NSUN6: variants seen among roughly 807,000 people sequenced by gnomAD.
NSUN6 encodes the protein NOP2/Sun RNA methyltransferase 6.
Under a neutral mutation model 58.0 loss-of-function variants are expected in NSUN6, and 64 were observed. That is an observed-to-expected ratio of 1.10 (90% CI 0.90 to 1.36). The LOEUF is 1.36. Among genes scored for constraint, NSUN6 ranks in the 40% most tolerant of loss-of-function variants. The pLI is 0.00. For missense variants in NSUN6, 701 were observed against 550.1 expected (o/e 1.27, Z -2.74); for synonymous variants, 231 against 193.9 (o/e 1.19, Z -1.59).
intron 8 of NSUN6, among the ~76,000 whole-genome samples, chr10:18,567,432 T>C (rs764439082): frequency 1.9e-4 from 29 of 150,206 alleles, no homozygotes; most frequent in Non-Finnish European, 3.7e-4. Flanking sequence ...TTTCATTCCA[T>C]GCTCCATTCC....
rs190980065 is a variant in NSUN6 at position 18,627,727 on chromosome 10, G to A, written c.312-11434C>T. Among the ~76,000 whole-genome samples, 125 of 152,368 alleles carry A rather than the reference G, an allele frequency of 8.2e-4. 2 individuals carry two copies. Among genetic ancestry groups the A allele is most frequent in the African/African-American group, 2.8e-3 (117 of 41,588 alleles). On this transcript the variant is annotated intron_variant, in intron 3 of 10. Transcript: ENST00000377304. ...ATTGGCTTAAAAACCGGAGCACCAG[G>A]AGACTATATCCCGCGGCTCGGAGGG...
intron 3 of NSUN6, among the ~76,000 whole-genome samples, chr10:18,625,720 T>TAAA (rs71402188): frequency 2.2e-4 from 12 of 53,794 alleles, no homozygotes; most frequent in East Asian, 9.6e-4. Context: ...GTTTTTTTTT[T>TAAA]AAAAAAAAAA....
At chr10:18,586,266 C>T (rs544142252) in intron 7 of NSUN6, among the ~76,000 whole-genome samples, 173 bp from the exon 8 acceptor site, 2 of 152,322 alleles carry the variant, frequency 1.3e-5, no homozygotes, top group East Asian at 3.9e-4. Context: ...GGAATTTATT[C>T]CTTCTGGTGG....
chr10:18,614,682 G>A, intron 4 of NSUN6, 69 bp from the exon 5 acceptor site: 2 of 760,048 alleles, frequency 2.6e-6, no homozygotes, highest in Non-Finnish European at 1.9e-6. Context: ...AATTATTTGA[G>A]CTAGATCGGT....
At chr10:18,601,753 C>T (rs140263073) in intron 6 of NSUN6, among the ~76,000 whole-genome samples, 32 of 152,064 alleles carry the variant, frequency 2.1e-4, no homozygotes, top group Middle Eastern at 3.4e-3. Flanking sequence ...GAAGCTGAGG[C>T]GGCCAGATCA....
chr10:18,654,545 CAAATTTATTT>C (rs1414744571), upstream of NSUN6: 3 of 152,186 alleles, frequency 2.0e-5, no homozygotes, highest in Admixed American at 6.5e-5. Context: ...AGTCTAAGCT[CAAATTTATTT>C]GGCATTTGAG....
chr10:18,623,572 C>A (rs763913020), intron 3 of NSUN6, among the ~76,000 whole-genome samples: 1 of 152,126 alleles, frequency 6.6e-6, no homozygotes, highest in Admixed American at 6.5e-5. Flanking sequence ...AAATCAGAAT[C>A]TAGGAATGTC....
intron 8 of NSUN6, among the ~76,000 whole-genome samples, chr10:18,553,210 C>T (rs2054726152): frequency 6.6e-6 from 1 of 151,664 alleles, no homozygotes; most frequent in African/African-American, 2.4e-5. Flanking sequence ...TTGCATTCTC[C>T]ATTCCATTCC....
In NSUN6 at chr10:18,648,627, T is replaced by A. The variant is rs766799101; in HGVS notation, c.94A>T (p.Lys32Ter). The change falls in exon 2 of 11, where the codon AAA becomes TAA. Residue 32 changes from lysine (K) to a stop codon, truncating the protein, a stop_gained. Transcript: ENST00000377304. LOFTEE classifies it high-confidence loss of function. ...TCAAACTTCCTTTCTGCTTCTTGTTTACCTAAAGCAGTCACAATCTAAAAA... is the reference window on the plus strand; with the variant it reads ...TCAAACTTCCTTTCTGCTTCTTGTTAACCTAAAGCAGTCACAATCTAAAAA... ...MNKEIVTALG[K>*]QEAERKFETL... 7 of 1,591,632 alleles carry A rather than the reference T, an allele frequency of 4.4e-6. No individual in the cohort carries two copies. The highest frequency in any genetic ancestry group is 2.3e-5 in the East Asian group (1 of 43,756).
intron 3 of NSUN6, among the ~76,000 whole-genome samples, chr10:18,626,266 A>T (rs1191356787): frequency 6.6e-6 from 1 of 151,422 alleles, no homozygotes; most frequent in East Asian, 1.9e-4. Flanking sequence ...CTGGCCAGGC[A>T]TGGTGGCTCC....
intron 6 of NSUN6, among the ~76,000 whole-genome samples, chr10:18,603,052 G>C (rs534119314): frequency 2.0e-5 from 3 of 152,150 alleles, no homozygotes; most frequent in Admixed American, 1.3e-4. Flanking sequence ...CAACACTTTG[G>C]GAAGCCGAGG....
upstream of NSUN6, among the ~76,000 whole-genome samples, chr10:18,656,602 GC>G: frequency 6.6e-6 from 1 of 152,128 alleles, no homozygotes; most frequent in Non-Finnish European, 1.5e-5. Context: ...TACAGCTACA[GC>G]TAGCTCTTCC....
chr10:18,562,827 G>T (rs1390758456), intron 8 of NSUN6, among the ~76,000 whole-genome samples: 1 of 149,996 alleles, frequency 6.7e-6, no homozygotes, highest in Non-Finnish European at 1.5e-5. Flanking sequence ...AGGATGGAAT[G>T]GAATGAAATG....
At chr10:18,562,919 G>C (rs550679275) in intron 8 of NSUN6, among the ~76,000 whole-genome samples, 1 of 150,576 alleles carries the variant, frequency 6.6e-6, no homozygotes, top group African/African-American at 2.4e-5. Context: ...AGAATGGAAT[G>C]GAAGGAAGAA....
intron 7 of NSUN6, among the ~76,000 whole-genome samples, chr10:18,594,181 G>A (rs1441152636): frequency 4.2e-5 from 6 of 142,004 alleles, no homozygotes; most frequent in Admixed American, 7.3e-5. Flanking sequence ...CAGCCTCAGC[G>A]ACAGAGCAAG....
chr10:18,628,778 T>A (rs760983112), intron 3 of NSUN6, among the ~76,000 whole-genome samples: 2 of 152,118 alleles, frequency 1.3e-5, no homozygotes, highest in Non-Finnish European at 2.9e-5. Context: ...TCTACGTCGA[T>A]TGGTGTACCA....
chr10:18,642,645 A>G, intron 2 of NSUN6, 90 bp from the exon 3 acceptor site: 1 of 683,160 alleles, frequency 1.5e-6, no homozygotes, highest in Non-Finnish European at 2.6e-6. Flanking sequence ...CTACCACAGC[A>G]TGAAGCCCTA....
At chr10:18,593,875 TAA>T (rs772814324) in intron 7 of NSUN6, among the ~76,000 whole-genome samples, 32 of 96,214 alleles carry the variant, frequency 3.3e-4, no homozygotes, top group Admixed American at 3.0e-4. Flanking sequence ...AAAGCACAAT[TAA>T]AAAAAAAAAA....
At chr10:18,635,851 G>GT (rs201026578) in intron 3 of NSUN6, among the ~76,000 whole-genome samples, 45 of 149,334 alleles carry the variant, frequency 3.0e-4, no homozygotes, top group East Asian at 1.4e-3. Flanking sequence ...GTTTTTTGTC[G>GT]TTTTTTTTAA....
Sources: allele counts gnomAD v4.1 joint callset (sites outside exome capture counted in the v4.1 genomes callset), GRCh38; gene constraint gnomAD v4.1.1; transcripts MANE v1.5; gene names NCBI Gene and HGNC (gene_info 2026-07-23, HGNC 2026-07-21).